The following GNA12 variants were observed in gnomAD, a reference collection of about 807,000 sequenced individuals.
GNA12 encodes the protein guanine nucleotide-binding protein subunit alpha-12.
A neutral mutation model predicts 26.0 loss-of-function variants in GNA12; 9 were observed. That is an observed-to-expected ratio of 0.35 (90% CI 0.21 to 0.60). The LOEUF (loss-of-function observed/expected upper bound fraction) is 0.60, where lower values mean the gene tolerates loss of function less well. Ranked by LOEUF, GNA12 falls within the 20% of genes least tolerant of loss-of-function variation. The pLI, the probability that GNA12 is intolerant of heterozygous loss-of-function variation, is 0.78. For missense variants in GNA12, 405 were observed against 525.8 expected, an observed-to-expected ratio of 0.77 and a Z score of 2.25; for synonymous variants, 264 against 219.6, an observed-to-expected ratio of 1.20 and a Z score of -1.79.
intron 1 of GNA12, among the ~76,000 whole-genome samples, chr7:2,828,000 G>A (rs1233957084): frequency 2.6e-5 from 4 of 152,230 alleles, no homozygotes; most frequent in East Asian, 3.9e-4. Context: ...CCAGATAACA[G>A]GAAAGAACTC....
intron 2 of GNA12, chr7:2,764,620 G>C (rs1421822563): frequency 6.6e-6 from 1 of 152,260 alleles, no homozygotes; most frequent in Non-Finnish European, 1.5e-5. Context: ...GCCAGGGCCT[G>C]TCAGCTGGTC....
chr7:2,755,925 A>G (rs1489876893), intron 2 of GNA12, among the ~76,000 whole-genome samples: 2 of 152,242 alleles, frequency 1.3e-5, no homozygotes, highest in African/African-American at 4.8e-5. Context: ...ACCAGTCTCA[A>G]TACAAATCCC....
At chr7:2,804,128 A>ACAC (rs543083044) in intron 1 of GNA12, among the ~76,000 whole-genome samples, 1 of 151,974 alleles carries the variant, frequency 6.6e-6, no homozygotes, top group Non-Finnish European at 1.5e-5. Context: ...TGAGAACACA[A>ACAC]ACACACAAAA....
intron 1 of GNA12, among the ~76,000 whole-genome samples, chr7:2,816,176 A>G (rs1793213846): frequency 6.6e-6 from 1 of 152,226 alleles, no homozygotes; most frequent in African/African-American, 2.4e-5. Flanking sequence ...TGACGGTGGA[A>G]AGAAGTAAAC....
intron 2 of GNA12, among the ~76,000 whole-genome samples, chr7:2,790,381 G>C (rs1375144699): frequency 6.6e-6 from 1 of 152,138 alleles, no homozygotes; most frequent in Non-Finnish European, 1.5e-5. Flanking sequence ...CCACCGAATA[G>C]CTGGAACTAC....
intron 2 of GNA12, among the ~76,000 whole-genome samples, chr7:2,745,616 G>A (rs1051475884): frequency 6.6e-5 from 10 of 152,134 alleles, no homozygotes; most frequent in South Asian, 4.1e-4. Flanking sequence ...ATCAACTAAC[G>A]AGCAAAATAG....
chr7:2,831,789 A>C (rs1309271293), intron 1 of GNA12, among the ~76,000 whole-genome samples: 1 of 152,184 alleles, frequency 6.6e-6, no homozygotes. Context: ...AAAATTGTAG[A>C]TATAAAACTG....
At chr7:2,784,956 T>G (rs79223238) in intron 2 of GNA12, among the ~76,000 whole-genome samples, 1 of 152,228 alleles carries the variant, frequency 6.6e-6, no homozygotes, top group African/African-American at 2.4e-5. Flanking sequence ...ACATCACACA[T>G]TTTTACCCTG....
At chr7:2,741,898 T>G (rs1458331652) in intron 2 of GNA12, among the ~76,000 whole-genome samples, 2 of 151,444 alleles carry the variant, frequency 1.3e-5, no homozygotes, top group African/African-American at 4.9e-5. Context: ...CCGAGGTTTA[T>G]CTAATATATA....
At chr7:2,842,283 A>G (rs1636247) in intron 1 of GNA12, among the ~76,000 whole-genome samples, 38,654 of 151,898 alleles carry the variant, frequency 0.25, 5,415 homozygotes, top group East Asian at 0.35. Context: ...CGGTACTGAG[A>G]GACTGGAACC....
At chr7:2,821,329 C>T (rs1238172057) in intron 1 of GNA12, among the ~76,000 whole-genome samples, 3 of 152,158 alleles carry the variant, frequency 2.0e-5, no homozygotes, top group Non-Finnish European at 2.9e-5. Flanking sequence ...GCTGCTGACT[C>T]GGGCAAAAAG....
chr7:2,750,893 C>T lies in GNA12; in HGVS notation c.526-17392G>A, dbSNP rs182310157. Among the ~76,000 whole-genome samples the T allele has an allele frequency of 1.4e-3, 208 of 152,130 alleles. 2 individuals carry two copies. The highest frequency in any genetic ancestry group is 4.5e-3 in the African/African-American group (188 of 41,496). ...GAAATAACTGATTAATATGAGGGTG[C>T]GAATGGAAAGGTGGACAGATGGGAA... On this transcript the variant is annotated intron_variant, in intron 2 of 3. Coordinates refer to ENST00000275364, the MANE Select transcript of GNA12 (RefSeq NM_007353.3).
Position 2,740,644 on chromosome 7 carries a change from A to G in GNA12, c.526-7143T>C, listed in dbSNP as rs547024535. Reference sequence around the variant, plus strand: ...CAGAGGCAAAGATGGTGAAATGTAAACAACATGTTAATACTGGGCAATGGG... The same window carrying G: ...CAGAGGCAAAGATGGTGAAATGTAAGCAACATGTTAATACTGGGCAATGGG... On this transcript the variant is annotated intron_variant, in intron 2 of 3. Coordinates refer to ENST00000275364, the MANE Select transcript of GNA12 (RefSeq NM_007353.3). Among the ~76,000 whole-genome samples the G allele has an allele frequency of 1.2e-3, 187 of 152,324 alleles. 1 individual carries two copies. Among genetic ancestry groups the G allele is most frequent in the African/African-American group, 4.2e-3 (176 of 41,570 alleles).
chr7:2,843,566 G>C (rs1463741779), intron 1 of GNA12, among the ~76,000 whole-genome samples: 1 of 152,088 alleles, frequency 6.6e-6, no homozygotes, highest in South Asian at 2.1e-4. Context: ...AGTAGGGCTT[G>C]AGCCTGGGAG....
chr7:2,777,300 T>G (rs1411953806), intron 2 of GNA12, among the ~76,000 whole-genome samples: 1 of 152,242 alleles, frequency 6.6e-6, no homozygotes, highest in Non-Finnish European at 1.5e-5. Context: ...CAATGGTATA[T>G]TAATACCTCG....
chr7:2,737,289 G>GTTTTTT (rs11389467), intron 2 of GNA12, among the ~76,000 whole-genome samples: 10 of 62,268 alleles, frequency 1.6e-4, no homozygotes, highest in African/African-American at 4.4e-4. Flanking sequence ...TTTTTTTTTT[G>GTTTTTT]TTTTTTTTTT....
rs1399191327 is a variant in GNA12, at chr7:2,760,801, G to A, written c.526-27300C>T. Reference sequence around the variant, plus strand: ...TCCCTACTGCTGGACCGTCCCAGCTGCGTGGCTTTACCAAGTCACCAGAGG... The same window carrying A: ...TCCCTACTGCTGGACCGTCCCAGCTACGTGGCTTTACCAAGTCACCAGAGG... On this transcript the variant is annotated intron_variant, in intron 2 of 3. Coordinates refer to ENST00000275364, the MANE Select transcript of GNA12 (RefSeq NM_007353.3). Among the ~76,000 whole-genome samples, 3 of 152,224 alleles carry A rather than the reference G, an allele frequency of 2.0e-5. No individual in the cohort carries two copies. The East Asian group carries it at 5.8e-4, about 29-fold the overall frequency.
intron 1 of GNA12, among the ~76,000 whole-genome samples, chr7:2,839,924 C>A (rs548055853): frequency 2.6e-5 from 4 of 152,030 alleles, no homozygotes; most frequent in African/African-American, 7.2e-5. Flanking sequence ...GCTTGAACCC[C>A]GGGGCGGAGG....
chr7:2,744,997 C>T (rs549901220), intron 2 of GNA12, among the ~76,000 whole-genome samples: 16 of 152,288 alleles, frequency 1.1e-4, no homozygotes, highest in African/African-American at 3.9e-4. Flanking sequence ...CGAACAAGGC[C>T]TCCAAGAAAT....
Sources: allele counts gnomAD v4.1 joint callset (sites outside exome capture counted in the v4.1 genomes callset), GRCh38; gene constraint gnomAD v4.1.1; transcripts MANE v1.5; gene names NCBI Gene and HGNC (gene_info 2026-07-23, HGNC 2026-07-21).